The following CLEC2A variants were observed in gnomAD, a reference collection of about 807,000 sequenced individuals.
CLEC2A encodes C-type lectin domain family 2 member A, also known as keratinocyte-associated C-type lectin.
Under a neutral mutation model 18.6 loss-of-function variants are expected in CLEC2A, and 19 were observed. That is an observed-to-expected ratio of 1.02 (90% CI 0.71 to 1.50). The LOEUF is 1.50. CLEC2A is among the 40% of genes most tolerant of loss of function. The pLI is 0.00. For synonymous variants in CLEC2A, 74 were observed against 64.0 expected (o/e 1.16, Z -0.75); for missense variants, 190 against 207.9 (o/e 0.91, Z 0.53).
downstream of CLEC2A, among the ~76,000 whole-genome samples, chr12:9,911,016 C>T (rs1054231981): frequency 1.3e-5 from 2 of 152,192 alleles, no homozygotes; most frequent in Non-Finnish European, 2.9e-5. Flanking sequence ...CCTGCATCAG[C>T]CATGCAGCAC....
chr12:9,923,657 A>T (rs1461363734), intron 2 of CLEC2A, among the ~76,000 whole-genome samples: 1 of 152,212 alleles, frequency 6.6e-6, no homozygotes, highest in African/African-American at 2.4e-5. Flanking sequence ...TATTCACAAT[A>T]GCAAAGACTT....
At chr12:9,880,543 T>TGTGC in the CLEC2A span, among the ~76,000 whole-genome samples, 50 of 149,382 alleles carry the variant, frequency 3.3e-4, no homozygotes, top group African/African-American at 1.1e-3. Flanking sequence ...TGTGTGTGTG[T>TGTGC]GTGCGTGTTA....
At chr12:9,888,663 T>C in the CLEC2A span, 3 of 863,478 alleles carry the variant, frequency 3.5e-6, no homozygotes, top group Non-Finnish European at 5.5e-6. Context: ...GCTGGTACTT[T>C]ATTCTCATGT....
chr12:9,908,668 T>C (rs1170573109), downstream of CLEC2A, among the ~76,000 whole-genome samples: 1 of 152,210 alleles, frequency 6.6e-6, no homozygotes, highest in Non-Finnish European at 1.5e-5. Context: ...GGACTTCTTT[T>C]TATTTTTCCC....
chr12:9,886,216 T>C, the CLEC2A span, among the ~76,000 whole-genome samples: 3 of 152,142 alleles, frequency 2.0e-5, no homozygotes, highest in Non-Finnish European at 2.9e-5. Context: ...TTACAATATG[T>C]GTGTTTCTAT....
chr12:9,886,939 C>T, the CLEC2A span, among the ~76,000 whole-genome samples: 1 of 151,832 alleles, frequency 6.6e-6, no homozygotes, highest in Non-Finnish European at 1.5e-5. Context: ...CATAGCTTGG[C>T]TATTTCTTGT....
chr12:9,898,275 GA>G (rs766385194), downstream of CLEC2A, among the ~76,000 whole-genome samples: 46 of 152,288 alleles, frequency 3.0e-4, no homozygotes, highest in Middle Eastern at 3.4e-3. Flanking sequence ...CCTCAAAAGT[GA>G]AACTCACATT....
the CLEC2A span, chr12:9,893,466 G>A: frequency 3.3e-6 from 5 of 1,513,936 alleles, no homozygotes; most frequent in Non-Finnish European, 4.4e-6. Flanking sequence ...GGACATTTTG[G>A]TTGGATTGGA....
At chr12:9,931,960 T>G (rs755323040) in intron 1 of CLEC2A, among the ~76,000 whole-genome samples, 2 of 152,226 alleles carry the variant, frequency 1.3e-5, no homozygotes, top group Non-Finnish European at 2.9e-5. Flanking sequence ...AAGCATTTGC[T>G]TTTTATTCTG....
chr12:9,922,317 G>A (rs868366195), intron 2 of CLEC2A, 85 bp from the exon 3 acceptor site: 1 of 1,220,342 alleles, frequency 8.2e-7, no homozygotes, highest in East Asian at 2.8e-5. Flanking sequence ...TTTACTTTTT[G>A]CTTCCACAGT....
chr12:9,892,782 C>G, the CLEC2A span, among the ~76,000 whole-genome samples: 1 of 151,654 alleles, frequency 6.6e-6, no homozygotes, highest in Non-Finnish European at 1.5e-5. Flanking sequence ...CAGGGTTTCT[C>G]CATGTTGGTC....
chr12:9,922,353 C>G (rs552624256), intron 2 of CLEC2A, 121 bp from the exon 3 acceptor site: 3 of 675,818 alleles, frequency 4.4e-6, no homozygotes, highest in South Asian at 3.3e-5. Flanking sequence ...TAGCTTCCCC[C>G]CTCCCCAGAA....
At chr12:9,878,277 C>A in the CLEC2A span, among the ~76,000 whole-genome samples, 1 of 152,082 alleles carries the variant, frequency 6.6e-6, no homozygotes, top group Non-Finnish European at 1.5e-5. Flanking sequence ...GTAAAAGATG[C>A]ACATTTTCTA....
intron 4 of CLEC2A, among the ~76,000 whole-genome samples, chr12:9,902,949 G>T (rs564330781): frequency 8.5e-5 from 13 of 152,170 alleles, no homozygotes; most frequent in Non-Finnish European, 1.6e-4. Context: ...AAGGGAAGAG[G>T]TCTGCCTGTG....
At chr12:9,891,706 C>A in the CLEC2A span, among the ~76,000 whole-genome samples, 1 of 152,096 alleles carries the variant, frequency 6.6e-6, no homozygotes, top group Non-Finnish European at 1.5e-5. Flanking sequence ...GCATTGGCCA[C>A]TCTTGCCCGG....
the CLEC2A span, chr12:9,884,822 A>G: frequency 2.5e-6 from 1 of 392,834 alleles, no homozygotes; most frequent in Non-Finnish European, 4.5e-6. Context: ...ATTTAATCAT[A>G]AATTCTAATG....
chr12:9,891,688 A>G, the CLEC2A span, among the ~76,000 whole-genome samples: 4 of 152,104 alleles, frequency 2.6e-5, no homozygotes, highest in African/African-American at 7.2e-5. Context: ...TTAAATTACA[A>G]TTTTTCAGCA....
chr12:9,884,264 G>A, the CLEC2A span, among the ~76,000 whole-genome samples: 2 of 151,992 alleles, frequency 1.3e-5, no homozygotes, highest in South Asian at 2.1e-4. Context: ...ACTCTAATGC[G>A]ATGAAATACT....
chr12:9,891,919 T>C, the CLEC2A span, among the ~76,000 whole-genome samples: 2 of 152,164 alleles, frequency 1.3e-5, no homozygotes, highest in African/African-American at 4.8e-5. Context: ...AAATATGACA[T>C]GTTTTAACTT....
Sources: gnomAD v4.1 joint callset for allele counts (sites outside exome capture counted in the v4.1 genomes callset) on GRCh38, gnomAD v4.1.1 for gene constraint, MANE v1.5 for transcripts, NCBI Gene and HGNC (gene_info 2026-07-23, HGNC 2026-07-21) for gene names.